The following SNX20 variants were observed in gnomAD, a reference collection of about 807,000 sequenced individuals.
SNX20 encodes sorting nexin 20.
A neutral mutation model predicts 24.5 loss-of-function variants in SNX20; 21 were observed. The ratio of observed to expected loss-of-function variants is 0.86; its 90% CI spans 0.61 to 1.23. The LOEUF (loss-of-function observed/expected upper bound fraction) is 1.23, where lower values mean the gene tolerates loss of function less well. Ranked by LOEUF, SNX20 falls within the 50% of genes most tolerant of loss-of-function variation. SNX20 has a pLI of 0.00. For synonymous variants in SNX20, 206 were observed against 192.8 expected (o/e 1.07, Z -0.57); for missense variants, 433 against 430.8 (o/e 1.00, Z -0.04).
downstream of SNX20, chr16:50,667,961 C>A (rs1242534510): frequency 6.6e-7 from 1 of 1,515,572 alleles, no homozygotes. Context: ...GGACATACTG[C>A]GGCTTCAGGC....
rs1963082908 is a variant in SNX20 at position 50,672,932 on chromosome 16, G to A, written c.*474C>T. 3 of 152,474 alleles carry A rather than the reference G, an allele frequency of 2.0e-5. No homozygotes were observed. The highest frequency in any genetic ancestry group is 2.0e-4 in the Admixed American group (3 of 15,280). 9.4% of individuals were successfully genotyped at this position (152,474 alleles called of 1,614,324 possible). On this transcript the variant is annotated 3_prime_UTR_variant, in exon 4 of 4. Transcript: ENST00000330943. ...GGAGCACCTCTGTCCAATACAGATG[G>A]AGAAATTGAGGACCAGAGGAGGGGC...
rs200327631 is a variant in SNX20, at chr16:50,673,402, C to T, written c.*4G>A. 18 of 1,500,916 alleles carry T rather than the reference C, an allele frequency of 1.2e-5. No homozygotes were observed. The highest frequency in any genetic ancestry group is 1.8e-4 in the Middle Eastern group (1 of 5,646). 93.0% of individuals were successfully genotyped at this position (1,500,916 alleles called of 1,614,324 possible). ...CCAGCGTCCCTGCGGGGTCCCAGGC[C>T]GGCTCAGTGCAGGTATTCTCGCACA... On this transcript the variant is annotated 3_prime_UTR_variant, in exon 4 of 4. Coordinates refer to ENST00000330943, the MANE Select transcript of SNX20 (RefSeq NM_182854.4). The surrounding 1 kb of genome is among the most constrained non-coding windows in gnomAD (Gnocchi z 4.1).
chr16:50,675,584 C>G (rs1374375026), intron 3 of SNX20, among the ~76,000 whole-genome samples, 186 bp downstream of exon 3: 5 of 152,174 alleles, frequency 3.3e-5, no homozygotes, highest in Non-Finnish European at 1.5e-5. Context: ...TGGTTCGAAT[C>G]CTCACAGACC....
In SNX20 at chr16:50,677,639, G is replaced by C. The variant is rs990465176; in HGVS notation, c.-9-104C>G. 5 of 1,256,260 alleles carry C rather than the reference G, an allele frequency of 4.0e-6. No individual in the cohort carries two copies. In the African/African-American group the frequency reaches 6.2e-5, roughly 16 times the overall value. 77.8% of individuals were successfully genotyped at this position (1,256,260 alleles called of 1,614,324 possible). On this transcript the variant is annotated intron_variant, in intron 1 of 3. Transcript: ENST00000330943. ...GTCATGCCCCCTCCTGGCAGGCAGA[G>C]GGAATGACAAGGGCCCCACGGCTCA...
At chr16:50,676,425 G>A (rs1963183689) in intron 2 of SNX20, among the ~76,000 whole-genome samples, 1 of 152,196 alleles carries the variant, frequency 6.6e-6, no homozygotes, top group Admixed American at 6.5e-5. Flanking sequence ...CCACATGCCG[G>A]GCTCTTCTCG....
At chr16:50,677,639 G>A (rs990465176) in intron 1 of SNX20, 104 bp from the exon 2 acceptor site, 1 of 1,256,256 alleles carries the variant, frequency 8.0e-7, no homozygotes, top group Non-Finnish European at 1.0e-6. Flanking sequence ...GGCAGGCAGA[G>A]GGAATGACAA....
downstream of SNX20, chr16:50,669,917 A>G (rs937350617): frequency 6.6e-6 from 1 of 152,162 alleles, no homozygotes; most frequent in African/African-American, 2.4e-5. Flanking sequence ...CCGCACAGGG[A>G]GCTGCTTGCA....
Position 50,673,441 on chromosome 16 carries a change from G to T in SNX20, c.916C>A (p.Leu306Met). ...LRRPTPRGIT[L>M]KELTVREYLH ...TATTCTCGCACAGTGAGCTCCTTCA[G>T]GGTGATGCCTCGGGGCGTGGGCCTC... Residue 306 changes from leucine (L) to methionine (M), a missense_variant, in exon 4 of 4, where the codon CTG becomes ATG. By Grantham distance (15) the Leu-to-Met change is conservative. Coordinates refer to ENST00000330943, the MANE Select transcript of SNX20 (RefSeq NM_182854.4). The surrounding 1 kb of genome is among the most constrained non-coding windows in gnomAD (Gnocchi z 4.1). The T allele has an allele frequency of 6.3e-7, 1 of 1,590,652 alleles. No homozygotes were observed. Among genetic ancestry groups the T allele is most frequent in the Non-Finnish European group, 8.6e-7 (1 of 1,169,350 alleles).
downstream of SNX20, chr16:50,668,994 G>C (rs1162157627): frequency 6.4e-7 from 1 of 1,550,474 alleles, no homozygotes; most frequent in Non-Finnish European, 8.7e-7. Context: ...TGACCCCTAA[G>C]AGCTTCCTGG....
Position 50,673,473 on chromosome 16 carries a change from T to A in SNX20, c.884A>T (p.Gln295Leu), listed in dbSNP as rs1315586993. 6.2e-7 allele frequency: 1 copy of A among 1,604,650 alleles called. No homozygotes were observed. Among genetic ancestry groups the A allele is most frequent in the East Asian group, 2.3e-5 (1 of 44,076 alleles). ...VTLQERLEES[Q>L]LRRPTPRGIT... ...GCCTCGGGGCGTGGGCCTCCGGAGC[T>A]GGCTCTCCTCCAGCCTCTCCTGCAG... The change falls in exon 4 of 4, where the codon CAG becomes CTG. Residue 295 changes from glutamine (Q) to leucine (L), a missense_variant. Physicochemically the swap from Gln to Leu is moderately radical, Grantham distance 113 (BLOSUM62 -2). Transcript: ENST00000330943. This position sits in a 1 kb window ranked among gnomAD's most constrained non-coding sequence, Gnocchi z 4.1.
chr16:50,679,425 C>A lies in SNX20; in HGVS notation c.-10+1765G>T, dbSNP rs142925574. ...GTGTCGGGTGAAAGGAACCCTGGGGCCTTCTCCGTTTGGCTCTGCACAGCC... is the reference window on the plus strand; with the variant it reads ...GTGTCGGGTGAAAGGAACCCTGGGGACTTCTCCGTTTGGCTCTGCACAGCC... On this transcript the variant is annotated intron_variant, in intron 1 of 3. Transcript: ENST00000330943. Among the ~76,000 whole-genome samples, 40 of 152,296 alleles carry A rather than the reference C, an allele frequency of 2.6e-4. No individual in the cohort carries two copies. The East Asian group carries it at 7.7e-3, about 29-fold the overall frequency.
rs1963070140 is a variant in SNX20, at chr16:50,672,437, T to C, written c.*969A>G. On this transcript the variant is annotated 3_prime_UTR_variant, in exon 4 of 4. Transcript: ENST00000330943. ...CCTGGTATCACAGAATCTTATGCCA[T>C]TATTGCTTTCTGGTCCAGGGTCCTC... is the stretch of plus-strand genomic sequence containing the variant. 6.6e-6 allele frequency: 1 copy of C among 152,072 alleles called. No individual in the cohort carries two copies. Among genetic ancestry groups the C allele is most frequent in the South Asian group, 2.1e-4 (1 of 4,814 alleles). 9.4% of individuals were successfully genotyped at this position (152,072 alleles called of 1,614,324 possible).
At chr16:50,680,297 C>A (rs562008719) in intron 1 of SNX20, among the ~76,000 whole-genome samples, 1 of 152,246 alleles carries the variant, frequency 6.6e-6, no homozygotes, top group East Asian at 1.9e-4. Flanking sequence ...TGGCCCTTTC[C>A]TTCCCTCTCC....
intron 2 of SNX20, 68 bp downstream of exon 2, chr16:50,677,329 G>A (rs565076885): frequency 2.1e-6 from 3 of 1,445,918 alleles, no homozygotes; most frequent in African/African-American, 2.9e-5. Flanking sequence ...CCCCCAAAGT[G>A]ACCCACATTT....
chr16:50,679,491 C>T (rs1002263896), intron 1 of SNX20, among the ~76,000 whole-genome samples: 3 of 152,230 alleles, frequency 2.0e-5, no homozygotes, highest in Non-Finnish European at 2.9e-5. Context: ...TCCAACCTCA[C>T]CTTTTACAGA....
Position 50,675,685 on chromosome 16 carries a change from G to A in SNX20, c.282+85C>T, listed in dbSNP as rs1271314151. The A allele has an allele frequency of 1.5e-5, 23 of 1,541,564 alleles. No individual in the cohort carries two copies. The East Asian group carries it at 4.8e-4, about 32-fold the overall frequency. ...GTGTGTTGACCCATTTCATAGTTGG[G>A]AAACCTGAGGCTCTACAAGACTTAT... On this transcript the variant is annotated intron_variant, in intron 3 of 3. Coordinates refer to ENST00000330943, the MANE Select transcript of SNX20 (RefSeq NM_182854.4).
downstream of SNX20, chr16:50,669,012 A>G: frequency 6.4e-7 from 1 of 1,551,464 alleles, no homozygotes; most frequent in Non-Finnish European, 8.7e-7. Context: ...TGGAATTTGG[A>G]TGCAGGGTTA....
In SNX20 at chr16:50,677,491, G is replaced by T. The variant is rs1380978327; in HGVS notation, c.36C>A (p.Cys12Ter). Reference protein sequence around the residue: ...ASPEHPGSPGCMGPITQCTAR... With the variant: ...ASPEHPGSPG The stretch of plus-strand genomic sequence containing the variant: ...CCGTGCACTGGGTTATGGGTCCCAT[G>T]CAGCCAGGGCTCCCAGGGTGCTCTG... Residue 12 changes from cysteine to a stop codon, truncating the protein, a stop_gained, in exon 2 of 4, where the codon TGC (cysteine) becomes TGA (stop). Coordinates refer to ENST00000330943, the MANE Select transcript of SNX20 (RefSeq NM_182854.4). LOFTEE classifies it high-confidence loss of function. 6.2e-7 allele frequency: 1 copy of T among 1,606,060 alleles called. No homozygotes were observed. The highest frequency in any genetic ancestry group is 1.3e-5 in the African/African-American group (1 of 74,490).
chr16:50,669,903 T>A (rs1324594027), downstream of SNX20: 1 of 152,122 alleles, frequency 6.6e-6, no homozygotes, highest in Non-Finnish European at 1.5e-5. Flanking sequence ...AGCCCTGACT[T>A]TTACCGCACA....
Sources: gnomAD v4.1 joint callset for allele counts (sites outside exome capture counted in the v4.1 genomes callset) on GRCh38, gnomAD v4.1.1 for gene constraint, Gnocchi (gnomAD v3.1) non-coding constraint, MANE v1.5 for transcripts, NCBI Gene and HGNC (gene_info 2026-07-23, HGNC 2026-07-21) for gene names.